ERBB4: variants seen among roughly 807,000 people sequenced by gnomAD.
ERBB4 encodes erb-b2 receptor tyrosine kinase 4.
A neutral mutation model predicts 158.0 loss-of-function variants in ERBB4; 42 were observed. That is an observed-to-expected ratio of 0.27 (90% CI 0.21 to 0.34). ERBB4 has a LOEUF of 0.34. ERBB4 is among the 10% of genes least tolerant of loss of function. The pLI, the probability that ERBB4 is intolerant of heterozygous loss-of-function variation, is 1.00. For missense variants in ERBB4, 1,333 were observed against 1,624.1 expected (o/e 0.82, Z 3.08); for synonymous variants, 583 against 558.7 (o/e 1.04, Z -0.61).
intron 1 of ERBB4, among the ~76,000 whole-genome samples, chr2:212,180,146 C>A (rs545747256): frequency 1.3e-5 from 2 of 151,556 alleles, no homozygotes; most frequent in African/African-American, 2.4e-5. Flanking sequence ...CATTAGGTAC[C>A]AAAATGTAAC....
chr2:212,497,587 A>G (rs1011576451), intron 1 of ERBB4, among the ~76,000 whole-genome samples: 1 of 152,172 alleles, frequency 6.6e-6, no homozygotes, highest in African/African-American at 2.4e-5. Context: ...TAGAAAGCCA[A>G]CCACCTTTAC....
chr2:211,940,603 T>C (rs1195877554), intron 3 of ERBB4, among the ~76,000 whole-genome samples: 3 of 152,134 alleles, frequency 2.0e-5, no homozygotes, highest in Admixed American at 1.3e-4. Flanking sequence ...AGGGATTAAA[T>C]AGAATGTTCT....
intron 1 of ERBB4, among the ~76,000 whole-genome samples, chr2:212,473,300 C>T (rs1689208136): frequency 6.6e-6 from 1 of 151,870 alleles, no homozygotes; most frequent in African/African-American, 2.4e-5. Flanking sequence ...AATAAGATGA[C>T]TACTGTTGTC....
intron 2 of ERBB4, among the ~76,000 whole-genome samples, chr2:212,070,586 T>C (rs2078085284): frequency 6.6e-6 from 1 of 152,080 alleles, no homozygotes; most frequent in African/African-American, 2.4e-5. Context: ...GACTGTTCAA[T>C]GGAGAAAAAC....
intron 1 of ERBB4, among the ~76,000 whole-genome samples, chr2:212,321,320 C>A (rs750419634): frequency 2.7e-5 from 4 of 150,536 alleles, no homozygotes; most frequent in African/African-American, 4.8e-5. Flanking sequence ...TAAGCAAATT[C>A]CTACCAAATA....
In ERBB4 at chr2:211,853,588, T is replaced by C. The variant is rs139592006; in HGVS notation, c.422-65429A>G. Among the ~76,000 whole-genome samples, 101 of 152,178 alleles carry C rather than the reference T, an allele frequency of 6.6e-4. 1 individual carries two copies. Among genetic ancestry groups the C allele is most frequent in the African/African-American group, 2.2e-3 (92 of 41,562 alleles). ...AAGAACTACACACTCTTGAGTGATA[T>C]GGAGGCAGTGGTCTGAGGTACTGCC... On this transcript the variant is annotated intron_variant, in intron 3 of 27. Coordinates refer to ENST00000342788, the MANE Select transcript of ERBB4 (RefSeq NM_005235.3).
chr2:212,169,580 C>A (rs2081452134), intron 1 of ERBB4, among the ~76,000 whole-genome samples: 1 of 152,074 alleles, frequency 6.6e-6, no homozygotes, highest in Non-Finnish European at 1.5e-5. Flanking sequence ...TTAGGCAATA[C>A]CATTCAGGAC....
At chr2:211,396,828 A>G (rs1355237592) in intron 25 of ERBB4, among the ~76,000 whole-genome samples, 1 of 152,204 alleles carries the variant, frequency 6.6e-6, no homozygotes, top group East Asian at 1.9e-4. Context: ...TTTACCAGAT[A>G]AAAAGTGAAT....
chr2:211,904,770 AC>A (rs757267279), intron 3 of ERBB4, among the ~76,000 whole-genome samples: 8 of 152,150 alleles, frequency 5.3e-5, no homozygotes, highest in Non-Finnish European at 7.4e-5. Context: ...ATTGGTGGTC[AC>A]TGACCAACAG....
chr2:212,352,187 G>A (rs541278673), intron 1 of ERBB4, among the ~76,000 whole-genome samples: 2 of 152,040 alleles, frequency 1.3e-5, no homozygotes, highest in East Asian at 3.9e-4. Context: ...GTAGGAGGAG[G>A]GAGAGGATCA....
chr2:211,918,804 G>A (rs192730785), intron 3 of ERBB4, among the ~76,000 whole-genome samples: 87 of 152,200 alleles, frequency 5.7e-4, no homozygotes, highest in African/African-American at 2.0e-3. Flanking sequence ...CAATGGTGGA[G>A]AATATTTTTG....
intron 19 of ERBB4, among the ~76,000 whole-genome samples, chr2:211,618,223 T>C (rs556284390): frequency 2.2e-4 from 33 of 152,204 alleles, no homozygotes; most frequent in African/African-American, 7.7e-4. Flanking sequence ...CTAATCTTGA[T>C]TGATGTTTTC....
chr2:211,422,752 C>T (rs575933243), intron 23 of ERBB4, among the ~76,000 whole-genome samples: 39 of 151,822 alleles, frequency 2.6e-4, no homozygotes, highest in African/African-American at 8.9e-4. Flanking sequence ...ATTAAAACCC[C>T]GAAAGAAAGG....
intron 2 of ERBB4, among the ~76,000 whole-genome samples, chr2:212,079,772 A>G (rs1030976794): frequency 1.3e-4 from 20 of 152,126 alleles, no homozygotes; most frequent in Non-Finnish European, 2.5e-4. Flanking sequence ...ACACATGAAC[A>G]TAACACTTTG....
chr2:212,344,618 G>GA (rs1553621996), intron 1 of ERBB4, among the ~76,000 whole-genome samples: 6 of 151,986 alleles, frequency 3.9e-5, no homozygotes, highest in Non-Finnish European at 7.4e-5. Flanking sequence ...AAAGAAAAAT[G>GA]TTTTTTCTTT....
chr2:211,484,303 C>T (rs909881050), intron 20 of ERBB4, among the ~76,000 whole-genome samples: 4 of 152,048 alleles, frequency 2.6e-5, no homozygotes, highest in Admixed American at 2.6e-4. Context: ...AATCTAGTTA[C>T]ACCAATGATC....
At chr2:211,401,939 A>T (rs1213670745) in intron 25 of ERBB4, among the ~76,000 whole-genome samples, 1 of 151,474 alleles carries the variant, frequency 6.6e-6, no homozygotes, top group African/African-American at 2.4e-5. Flanking sequence ...ATTATAATAT[A>T]ATAATATATT....
chr2:211,549,685 C>T (rs1200482250), intron 20 of ERBB4, among the ~76,000 whole-genome samples: 1 of 152,112 alleles, frequency 6.6e-6, no homozygotes, highest in Admixed American at 6.6e-5. Flanking sequence ...AGACCACCAG[C>T]AGATTTCAGA....
At chr2:211,695,345 A>G (rs1457383342) in intron 12 of ERBB4, among the ~76,000 whole-genome samples, 1 of 152,188 alleles carries the variant, frequency 6.6e-6, no homozygotes, top group African/African-American at 2.4e-5. Context: ...TCAGAAACAT[A>G]AAAACCAGAG....
Sources: gnomAD v4.1 joint callset for allele counts (sites outside exome capture counted in the v4.1 genomes callset) on GRCh38, gnomAD v4.1.1 for gene constraint, MANE v1.5 for transcripts, NCBI Gene and HGNC (gene_info 2026-07-23, HGNC 2026-07-21) for gene names.